Variants in ASNS observed in about 807,000 individuals in gnomAD.
ASNS encodes the protein asparagine synthetase [glutamine-hydrolyzing].
A neutral mutation model predicts 62.6 loss-of-function variants in ASNS; 37 were observed. That is an observed-to-expected ratio of 0.59 (90% confidence interval 0.45 to 0.78). The LOEUF (loss-of-function observed/expected upper bound fraction) is 0.78. Ranked by LOEUF, ASNS falls within the 30% of genes least tolerant of loss-of-function variation. The probability of loss-of-function intolerance (pLI) is 0.00; values close to 1 mark genes in which losing one functional copy is unlikely to be tolerated. For synonymous variants in ASNS, 207 were observed against 237.9 expected, an observed-to-expected ratio of 0.87 and a Z score of 1.19; for missense variants, 520 against 682.4, an observed-to-expected ratio of 0.76 and a Z score of 2.65.
chr7:97,916,855 C>T, the ASNS span, among the ~76,000 whole-genome samples: 1 of 152,202 alleles, frequency 6.6e-6, no homozygotes, highest in Non-Finnish European at 1.5e-5. Flanking sequence ...GGGATAGCTC[C>T]TGCCACCGTA....
chr7:97,898,066 T>TACAG, the ASNS span, among the ~76,000 whole-genome samples: 1 of 152,164 alleles, frequency 6.6e-6, no homozygotes, highest in South Asian at 2.1e-4. Flanking sequence ...TAGCTGAGAC[T>TACAG]ACAGGCGCAT....
chr7:97,914,248 G>A, the ASNS span, among the ~76,000 whole-genome samples: 61 of 152,068 alleles, frequency 4.0e-4, no homozygotes, highest in African/African-American at 1.4e-3. Flanking sequence ...AGATGGACTT[G>A]AGCATTTTTT....
At chr7:97,922,594 C>T in the ASNS span, among the ~76,000 whole-genome samples, 1 of 151,968 alleles carries the variant, frequency 6.6e-6, no homozygotes, top group African/African-American at 2.4e-5. Flanking sequence ...GTGTTCTCAC[C>T]ATAAAAAAAT....
At chr7:97,915,283 AC>A in the ASNS span, among the ~76,000 whole-genome samples, 5 of 152,220 alleles carry the variant, frequency 3.3e-5, no homozygotes, top group African/African-American at 1.2e-4. Flanking sequence ...GAAGAACCAT[AC>A]TGAAGTGGTT....
At chr7:97,854,950 A>C in intron 9 of ASNS, 1 of 467,104 alleles carries the variant, frequency 2.1e-6, no homozygotes, top group East Asian at 4.1e-5. Flanking sequence ...CTCAAGCTTA[A>C]GTAGTTTTAT....
At chr7:97,883,483 TTCACTGC>T in the ASNS span, among the ~76,000 whole-genome samples, 1 of 152,098 alleles carries the variant, frequency 6.6e-6, no homozygotes, top group African/African-American at 2.4e-5. Context: ...TTCAGATCCG[TTCACTGC>T]TCAGCCACTC....
At chr7:97,902,256 C>T in the ASNS span, among the ~76,000 whole-genome samples, 3 of 152,104 alleles carry the variant, frequency 2.0e-5, no homozygotes, top group South Asian at 6.2e-4. Flanking sequence ...CTTGGTGGCC[C>T]CTGGTGCTCA....
chr7:97,858,505 T>C, intron 6 of ASNS, 100 bp from the exon 7 acceptor site: 2 of 1,451,264 alleles, frequency 1.4e-6, no homozygotes, highest in Non-Finnish European at 9.3e-7. Flanking sequence ...ATCATAGTTT[T>C]ACTATTTAAA....
At chr7:97,915,585 G>A in the ASNS span, among the ~76,000 whole-genome samples, 1 of 152,186 alleles carries the variant, frequency 6.6e-6, no homozygotes, top group Non-Finnish European at 1.5e-5. Flanking sequence ...GAGGCACCTG[G>A]TGTCATGAAA....
the ASNS span, among the ~76,000 whole-genome samples, chr7:97,894,867 T>C: frequency 2.0e-5 from 3 of 152,220 alleles, no homozygotes; most frequent in African/African-American, 7.2e-5. Flanking sequence ...CCTAACTCAT[T>C]GTATAAGGCC....
At chr7:97,907,941 T>TA in the ASNS span, among the ~76,000 whole-genome samples, 5 of 151,478 alleles carry the variant, frequency 3.3e-5, no homozygotes, top group South Asian at 4.2e-4. Context: ...TTGAGCTCTT[T>TA]AAAAAAAAGT....
the ASNS span, among the ~76,000 whole-genome samples, chr7:97,923,048 C>G: frequency 6.6e-6 from 1 of 152,058 alleles, no homozygotes; most frequent in Non-Finnish European, 1.5e-5. Context: ...CCTCGACCTG[C>G]CAAAGTGCTG....
the ASNS span, among the ~76,000 whole-genome samples, chr7:97,880,842 C>T: frequency 1.2e-4 from 19 of 152,172 alleles, no homozygotes; most frequent in African/African-American, 4.1e-4. Context: ...CCCCAGTGCC[C>T]GGGCTCTGCA....
At chr7:97,910,699 T>G in the ASNS span, among the ~76,000 whole-genome samples, 1 of 152,042 alleles carries the variant, frequency 6.6e-6, no homozygotes, top group Admixed American at 6.6e-5. Context: ...CCTCCCGGGT[T>G]CAAGTGATTC....
At chr7:97,914,580 C>T in the ASNS span, among the ~76,000 whole-genome samples, 1 of 152,194 alleles carries the variant, frequency 6.6e-6, no homozygotes, top group Non-Finnish European at 1.5e-5. Context: ...GGATGCTTAT[C>T]AAGACTTCCC....
At chr7:97,869,581 T>A (rs946896661) in intron 2 of ASNS, among the ~76,000 whole-genome samples, 197 bp downstream of exon 2, 1 of 152,180 alleles carries the variant, frequency 6.6e-6, no homozygotes, top group Non-Finnish European at 1.5e-5. Flanking sequence ...ACTCTCACCA[T>A]CCCAAAATCC....
At chr7:97,883,441 C>G in the ASNS span, among the ~76,000 whole-genome samples, 1 of 149,874 alleles carries the variant, frequency 6.7e-6, no homozygotes, top group African/African-American at 2.4e-5. Context: ...CATTCAGTGA[C>G]CAAGTCACGT....
the ASNS span, among the ~76,000 whole-genome samples, chr7:97,896,731 C>CATATAT: frequency 1.2e-3 from 33 of 27,850 alleles, no homozygotes; most frequent in African/African-American, 2.9e-3. Flanking sequence ...CACACACACA[C>CATATAT]ACACACACAC....
the ASNS span, among the ~76,000 whole-genome samples, chr7:97,879,132 T>C: frequency 6.6e-6 from 1 of 152,112 alleles, no homozygotes; most frequent in Non-Finnish European, 1.5e-5. Flanking sequence ...TTACACCTTA[T>C]ACAAAAATCA....
Sources: gnomAD v4.1 joint callset for allele counts (sites outside exome capture counted in the v4.1 genomes callset) on GRCh38, gnomAD v4.1.1 for gene constraint, MANE v1.5 for transcripts, NCBI Gene and HGNC (gene_info 2026-07-23, HGNC 2026-07-21) for gene names.